Variants in SLC22A3 observed in about 807,000 individuals in gnomAD.
SLC22A3 encodes EMT organic cation transporter 3.
In SLC22A3, 51 loss-of-function variants were observed where a neutral mutation model predicts 59.1. That is an observed-to-expected ratio of 0.86 (90% CI 0.69 to 1.09). The LOEUF is 1.09. Among genes scored for constraint, SLC22A3 ranks in the 50% least tolerant of loss-of-function variants. SLC22A3 has a pLI of 0.00. For synonymous variants in SLC22A3, 325 were observed against 292.0 expected (o/e 1.11, Z -1.15); for missense variants, 711 against 726.3 (o/e 0.98, Z 0.24).
At chr6:160,406,646 T>A (rs1583484533) in intron 2 of SLC22A3, among the ~76,000 whole-genome samples, 1 of 152,210 alleles carries the variant, frequency 6.6e-6, no homozygotes. Context: ...GTCTTATGAC[T>A]GGTAGATGGT....
At chr6:160,445,237 G>A (rs193145567) in intron 9 of SLC22A3, among the ~76,000 whole-genome samples, 1 of 152,326 alleles carries the variant, frequency 6.6e-6, no homozygotes, top group East Asian at 1.9e-4. Context: ...AGGAAGCAAT[G>A]TCTAGGCCAA....
At chr6:160,426,978 C>T (rs963570465) in intron 5 of SLC22A3, among the ~76,000 whole-genome samples, 1 of 152,084 alleles carries the variant, frequency 6.6e-6, no homozygotes, top group Non-Finnish European at 1.5e-5. Context: ...TTTCCAGCCC[C>T]CTCAGTGCTT....
At chr6:160,400,984 G>GAAAAAAAAAAAAAAAAAAAAACAA (rs1786753625) in intron 2 of SLC22A3, among the ~76,000 whole-genome samples, 2 of 78,558 alleles carry the variant, frequency 2.5e-5, no homozygotes, top group Non-Finnish European at 4.7e-5. Context: ...CTCCAAAACT[G>GAAAAAAAAAAAAAAAAAAAAACAA]AAAAAAAAAA....
intron 2 of SLC22A3, among the ~76,000 whole-genome samples, chr6:160,404,389 T>G (rs967896459): frequency 6.6e-6 from 1 of 151,968 alleles, no homozygotes; most frequent in African/African-American, 2.4e-5. Context: ...TAACAACATA[T>G]GTACAAGATT....
chr6:160,379,004 G>A (rs1034139525), intron 1 of SLC22A3, among the ~76,000 whole-genome samples: 3 of 152,180 alleles, frequency 2.0e-5, no homozygotes, highest in Non-Finnish European at 4.4e-5. Context: ...AAATCGCCAA[G>A]TTGAACCATC....
At chr6:160,350,133 ATG>A (rs1185197799) in intron 1 of SLC22A3, among the ~76,000 whole-genome samples, 1 of 141,876 alleles carries the variant, frequency 7.0e-6, no homozygotes, top group Admixed American at 6.9e-5. Flanking sequence ...CGATGTGTGT[ATG>A]TGTTTGGGAT....
At chr6:160,358,279 T>C (rs1333812355) in intron 1 of SLC22A3, among the ~76,000 whole-genome samples, 2 of 152,138 alleles carry the variant, frequency 1.3e-5, no homozygotes, top group South Asian at 2.1e-4. Context: ...CTGGTTTTAG[T>C]GGGGAGACTT....
intron 1 of SLC22A3, among the ~76,000 whole-genome samples, chr6:160,350,175 C>T (rs1353912730): frequency 6.6e-6 from 1 of 151,678 alleles, no homozygotes; most frequent in Non-Finnish European, 1.5e-5. Context: ...CTGCTGTGTT[C>T]GCACAGTGGA....
chr6:160,355,532 T>C (rs769075360), intron 1 of SLC22A3, among the ~76,000 whole-genome samples: 54 of 150,148 alleles, frequency 3.6e-4, no homozygotes, highest in Admixed American at 4.0e-4. Context: ...GAGGCCAAGG[T>C]GGGCAGATCA....
Position 160,450,986 on chromosome 6 carries a change from GT to G in SLC22A3, c.1611-4del. On this transcript the variant is annotated splice_polypyrimidine_tract_variant and intron_variant, in intron 10 of 10. Coordinates refer to ENST00000275300, the MANE Select transcript of SLC22A3 (RefSeq NM_021977.4). Reference sequence around the variant, plus strand: ...ATCTTTCCTAAAGACTTTCTCCTTTGTTTTTTCAGTCCACATTCCTGTAAAT... The same window carrying G: ...ATCTTTCCTAAAGACTTTCTCCTTTGTTTTTCAGTCCACATTCCTGTAAAT... The G allele has an allele frequency of 2.5e-6, 4 of 1,583,390 alleles. No individual in the cohort carries two copies. Among genetic ancestry groups the G allele is most frequent in the Middle Eastern group, 1.7e-4 (1 of 6,028 alleles).
At position 160,410,802 on chromosome 6, in the gene SLC22A3, A is replaced by G; in HGVS notation, c.931A>G (p.Ile311Val). The G allele has an allele frequency of 6.2e-7, 1 of 1,613,082 alleles. No individual in the cohort carries two copies. Among genetic ancestry groups the G allele is most frequent in the Non-Finnish European group, 8.5e-7 (1 of 1,179,286 alleles). Residue 311 changes from isoleucine (I) to valine (V), a missense_variant, in exon 5 of 11, where the codon ATT becomes GTT. Physicochemically the swap from Ile to Val is conservative, Grantham distance 29 (BLOSUM62 3). Transcript: ENST00000275300. The stretch of plus-strand genomic sequence containing the variant: ...TAAAGCATTACAGATCCTGAGACGC[A>G]TTGCTAAGTGCAATGGGAAATACCT... ...GDKALQILRR[I>V]AKCNGKYLSS...
chr6:160,402,347 A>T (rs945585814), intron 2 of SLC22A3, among the ~76,000 whole-genome samples: 1 of 151,922 alleles, frequency 6.6e-6, no homozygotes, highest in African/African-American at 2.4e-5. Context: ...ATAATCCTTA[A>T]TATCTATGTG....
chr6:160,353,716 T>G (rs1425724124), intron 1 of SLC22A3, among the ~76,000 whole-genome samples: 1 of 152,090 alleles, frequency 6.6e-6, no homozygotes, highest in Non-Finnish European at 1.5e-5. Context: ...GGGTTTGGAA[T>G]CAAAAGACGA....
At chr6:160,404,474 T>C (rs942455581) in intron 2 of SLC22A3, among the ~76,000 whole-genome samples, 1 of 152,102 alleles carries the variant, frequency 6.6e-6, no homozygotes, top group Non-Finnish European at 1.5e-5. Flanking sequence ...TATTCAACAT[T>C]CATGGATAGG....
Position 160,348,487 on chromosome 6 carries a change from T to C in SLC22A3, c.68T>C (p.Leu23Ser), listed in dbSNP as rs1274934497. The C allele has an allele frequency of 1.9e-6, 3 of 1,555,808 alleles. No individual in the cohort carries two copies. Among genetic ancestry groups the C allele is most frequent in the East Asian group, 2.6e-5 (1 of 38,880 alleles). Residue 23 changes from leucine to serine, a missense_variant, in exon 1 of 11, where the codon TTG becomes TCG. Physicochemically the swap from Leu to Ser is moderately radical, Grantham distance 145. Coordinates refer to ENST00000275300, the MANE Select transcript of SLC22A3 (RefSeq NM_021977.4). Reference protein sequence around the residue: ...EFGRFQRRVFLLLCLTGVTFA... With the variant: ...EFGRFQRRVFSLLCLTGVTFA... ...GGGCGCTTCCAGAGGCGCGTGTTTT[T>C]GCTGCTGTGCCTGACGGGCGTCACC...
rs575249031 is a variant in SLC22A3, at chr6:160,374,638, C to A, written c.430-23341C>A. 4.6e-5 allele frequency among the ~76,000 whole-genome samples: 7 copies of A among 152,246 alleles called. No individual in the cohort carries two copies. The East Asian group carries it at 7.7e-4, about 17-fold the overall frequency. On this transcript the variant is annotated intron_variant, in intron 1 of 10. Transcript: ENST00000275300. ...TCCCTGCTGTCCCAAAATTACCCAG[C>A]GTGTGTGGAGAGGCCCCTGGCTTTG...
At chr6:160,366,360 CA>C (rs1269171581) in intron 1 of SLC22A3, among the ~76,000 whole-genome samples, 1 of 152,234 alleles carries the variant, frequency 6.6e-6, no homozygotes, top group African/African-American at 2.4e-5. Context: ...AAAGGTGCTA[CA>C]AGCCACATCC....
intron 1 of SLC22A3, among the ~76,000 whole-genome samples, chr6:160,382,428 G>A (rs781594264): frequency 2.6e-5 from 4 of 152,196 alleles, no homozygotes; most frequent in Non-Finnish European, 4.4e-5. Flanking sequence ...CAAAGCAACT[G>A]CAGAAGCTGA....
chr6:160,442,879 A>G lies in SLC22A3; in HGVS notation c.1397+10A>G, dbSNP rs1463924442. On this transcript the variant is annotated intron_variant, in intron 8 of 10. Transcript: ENST00000275300. Reference sequence around the variant, plus strand: ...ACCCAACAACATTACGGTAATTCTAACAAACGTTATAGTTTCTCCTAAGTA... The same window carrying G: ...ACCCAACAACATTACGGTAATTCTAGCAAACGTTATAGTTTCTCCTAAGTA... 1.3e-6 allele frequency: 2 copies of G among 1,588,698 alleles called. No individual in the cohort carries two copies. Among genetic ancestry groups the G allele is most frequent in the Non-Finnish European group, 1.7e-6 (2 of 1,156,916 alleles).
Sources: gnomAD v4.1 joint callset for allele counts (sites outside exome capture counted in the v4.1 genomes callset) on GRCh38, gnomAD v4.1.1 for gene constraint, MANE v1.5 for transcripts, NCBI Gene and HGNC (gene_info 2026-07-23, HGNC 2026-07-21) for gene names.